Variants in DERPC observed in about 807,000 individuals in gnomAD.
DERPC encodes the protein decreased expression in renal and prostate cancer protein.
Under a neutral mutation model 7.2 loss-of-function variants are expected in DERPC, and 1 was observed. That is an observed-to-expected ratio of 0.14 (90% CI 0.05 to 0.66). The LOEUF is 0.66. Among genes scored for constraint, DERPC ranks in the 30% least tolerant of loss-of-function variants. The pLI, the probability that DERPC is intolerant of heterozygous loss-of-function variation, is 0.84. For synonymous variants in DERPC, 185 were observed against 117.6 expected (o/e 1.57, Z -3.71); for missense variants, 502 against 299.4 (o/e 1.68, Z -4.99).
intron 1 of DERPC, among the ~76,000 whole-genome samples, chr16:69,128,872 T>C (rs1439189650): frequency 6.6e-6 from 1 of 151,914 alleles, no homozygotes; most frequent in Non-Finnish European, 1.5e-5. Context: ...GAAATCAGCT[T>C]GACCAACATG....
chr16:69,127,818 C>T (rs1279521482), intron 1 of DERPC, among the ~76,000 whole-genome samples: 1 of 151,996 alleles, frequency 6.6e-6, no homozygotes, highest in African/African-American at 2.4e-5. Flanking sequence ...CCATCTTGGC[C>T]AGGCTAGTCT....
Position 69,119,906 on chromosome 16 carries a change from C to T in DERPC, c.523G>A (p.Gly175Ser). 1 of 702,364 alleles carries T rather than the reference C, an allele frequency of 1.4e-6. No homozygotes were observed. The allele number at this position is 702,364 out of a possible 1,614,324, so 43.5% of individuals were successfully genotyped here. ...GGTCCAGATCCAGGGCCCATGGGAC[C>T]ACCACCTCTGGGGTCAGGACCTGCT... ...LGAGPDPRGG[G>S]PMGPGSGPNL... The change falls in exon 3 of 3, where the codon GGT becomes AGT. Residue 175 changes from glycine to serine, a missense_variant. Physicochemically the swap from Gly to Ser is moderately conservative, Grantham distance 56. Transcript: ENST00000519520.
At chr16:69,124,216 A>G (rs1961896970) in intron 1 of DERPC, among the ~76,000 whole-genome samples, 2 of 152,098 alleles carry the variant, frequency 1.3e-5, no homozygotes, top group African/African-American at 4.8e-5. Context: ...CCTAAAGACA[A>G]TTGGCTTCAC....
Position 69,118,531 on chromosome 16 carries a change from G to A in DERPC, c.*323C>T, listed in dbSNP as rs754662155. ...ACCTGCAGGCCAATGTATCCCTGAG[G>A]AAAAGTCCACAAGAACAATTCAAGA... On this transcript the variant is annotated 3_prime_UTR_variant, in exon 3 of 3. Transcript: ENST00000519520. The A allele has an allele frequency of 1.1e-6, 1 of 935,416 alleles. No homozygotes were observed. Among genetic ancestry groups the A allele is most frequent in the South Asian group, 1.3e-5 (1 of 76,762 alleles). 57.9% of individuals were successfully genotyped at this position (935,416 alleles called of 1,614,324 possible). A position where few individuals can be genotyped will look rare whatever the true frequency, so the allele number is the denominator to read the frequency against.
intron 1 of DERPC, among the ~76,000 whole-genome samples, chr16:69,127,081 T>TA (rs1469556673): frequency 6.6e-6 from 1 of 151,872 alleles, no homozygotes; most frequent in African/African-American, 2.4e-5. Flanking sequence ...CTACCAAAAA[T>TA]ACAAAAATTA....
rs1198769291 is a variant in DERPC at position 69,120,467 on chromosome 16, G to C, written c.-39C>G. Reference sequence around the variant, plus strand: ...CGCTGGTGATAATGGGCTTGGGGCGGGTTTTGAAAAGGATCTTGTCTTTGA... The same window carrying C: ...CGCTGGTGATAATGGGCTTGGGGCGCGTTTTGAAAAGGATCTTGTCTTTGA... On this transcript the variant is annotated 5_prime_UTR_variant, in exon 3 of 3. Coordinates refer to ENST00000519520, the MANE Select transcript of DERPC (RefSeq NM_001002847.4). The surrounding 1 kb of genome is among the most constrained non-coding windows in gnomAD (Gnocchi z 4.0). 1 of 1,614,126 alleles carries C rather than the reference G, an allele frequency of 6.2e-7. No homozygotes were observed. Among genetic ancestry groups the C allele is most frequent in the Non-Finnish European group, 8.5e-7 (1 of 1,180,010 alleles).
chr16:69,120,215 A>G lies in DERPC; in HGVS notation c.214T>C (p.Phe72Leu). 1.4e-6 allele frequency: 1 copy of G among 704,004 alleles called. No individual in the cohort carries two copies. Among genetic ancestry groups the G allele is most frequent in the Non-Finnish European group, 2.6e-6 (1 of 386,374 alleles). The allele number at this position is 704,004 out of a possible 1,614,324, so 43.6% of individuals were successfully genotyped here. Residue 72 changes from phenylalanine (F) to leucine (L), a missense_variant, in exon 3 of 3, where the codon TTT (phenylalanine) becomes CTT (leucine). Coordinates refer to ENST00000519520, the MANE Select transcript of DERPC (RefSeq NM_001002847.4). The surrounding 1 kb of genome is among the most constrained non-coding windows in gnomAD (Gnocchi z 4.0). ...GCCAATGAGCCTGATGAAGCTGGAA[A>G]AGGAGATGGGTTCCTTGGAAATGGG... The part of the protein sequence containing the change: ...LTPFPRNPSP[F>L]PASSGSLASN...
intron 1 of DERPC, among the ~76,000 whole-genome samples, chr16:69,121,844 T>A (rs1226856073): frequency 6.6e-6 from 1 of 152,186 alleles, no homozygotes; most frequent in Non-Finnish European, 1.5e-5. Flanking sequence ...ATTTTTTTTG[T>A]ATTTTTAGTA....
intron 2 of DERPC, chr16:69,121,126 T>G (rs1026353602): frequency 1.2e-6 from 2 of 1,613,560 alleles, no homozygotes; most frequent in African/African-American, 2.7e-5. Context: ...GATCTCCCCC[T>G]GTAGCTCCAT....
chr16:69,122,300 G>A lies in DERPC; in HGVS notation c.-279-807C>T, dbSNP rs182005641. On this transcript the variant is annotated intron_variant, in intron 1 of 2. Coordinates refer to ENST00000519520, the MANE Select transcript of DERPC (RefSeq NM_001002847.4). ...TACTAAGGAAAAGATGATATGAACC[G>A]AAGACATACATTGCAAAGACCATAC... 1.6e-3 allele frequency among the ~76,000 whole-genome samples: 248 copies of A among 151,898 alleles called. 3 individuals are homozygous for A. The highest frequency in any genetic ancestry group is 2.3e-3 in the East Asian group (12 of 5,172).
chr16:69,121,115 C>T, intron 2 of DERPC: 1 of 1,613,792 alleles, frequency 6.2e-7, no homozygotes, highest in Non-Finnish European at 8.5e-7. Context: ...TAGCGAGCCT[C>T]GATCTCCCCC....
At chr16:69,127,600 A>AC (rs906646574) in intron 1 of DERPC, among the ~76,000 whole-genome samples, 61 of 143,558 alleles carry the variant, frequency 4.2e-4, no homozygotes, top group African/African-American at 1.5e-3. Context: ...TCTCCCGGCA[A>AC]CTTTTTTTTT....
At chr16:69,130,829 G>C (rs540004951) in intron 1 of DERPC, among the ~76,000 whole-genome samples, 1 of 152,280 alleles carries the variant, frequency 6.6e-6, no homozygotes, top group Non-Finnish European at 1.5e-5. Context: ...AAAGCAGCAG[G>C]TCATCAGAAT....
Position 69,118,636 on chromosome 16 carries a change from A to C in DERPC, c.*218T>G. 1.4e-6 allele frequency: 1 copy of C among 701,930 alleles called. No individual in the cohort carries two copies. Among genetic ancestry groups the C allele is most frequent in the Non-Finnish European group, 2.6e-6 (1 of 384,590 alleles). 43.5% of individuals were successfully genotyped at this position (701,930 alleles called of 1,614,324 possible). On this transcript the variant is annotated 3_prime_UTR_variant, in exon 3 of 3. Transcript: ENST00000519520. ...TGGGAGGCTGGAGATCCTTTCTCTC[A>C]AGGGCAGGATTATTCCCACCTGCCA... is the stretch of plus-strand genomic sequence containing the variant.
At chr16:69,129,813 G>C (rs1962365936) in intron 1 of DERPC, among the ~76,000 whole-genome samples, 1 of 152,172 alleles carries the variant, frequency 6.6e-6, no homozygotes, top group Non-Finnish European at 1.5e-5. Flanking sequence ...AAATGGCAAA[G>C]TAACCTATGG....
intron 2 of DERPC, chr16:69,121,206 A>AG (rs1348726579): frequency 1.3e-6 from 2 of 1,580,746 alleles, no homozygotes; most frequent in Non-Finnish European, 1.7e-6. Flanking sequence ...AATATTTTTG[A>AG]GGGGTGAAGG....
At position 69,119,479 on chromosome 16, in the gene DERPC, G is replaced by A. The variant is rs566649288; in HGVS notation, c.950C>T (p.Ser317Leu). The part of the protein sequence containing the change: ...ARVPGPMGPN[S>L]GPSSRGIGLP... ...GCCAATTCCCCGAGAGCTAGGACCC[G>A]AGTTTGGGCCCATGGGGCCAGGTAC... Residue 317 changes from serine (S) to leucine (L), a missense_variant, in exon 3 of 3, where the codon TCG becomes TTG. Transcript: ENST00000519520. The A allele has an allele frequency of 2.0e-5, 14 of 702,890 alleles. No homozygotes were observed. The highest frequency in any genetic ancestry group is 7.4e-5 in the South Asian group (5 of 67,578). 43.5% of individuals were successfully genotyped at this position (702,890 alleles called of 1,614,324 possible).
chr16:69,128,740 T>TTC (rs146333544), intron 1 of DERPC, among the ~76,000 whole-genome samples: 1 of 152,116 alleles, frequency 6.6e-6, no homozygotes, highest in African/African-American at 2.4e-5. Context: ...AGCATTTGGC[T>TTC]TCTCTCTCTC....
At position 69,118,580 on chromosome 16, in the gene DERPC, A is replaced by G; in HGVS notation, c.*274T>C. ...GAAACTAGTAAGAAACAATGGGCAG[A>G]AAGCTGTGGGACGAAAGCACAGCAG... On this transcript the variant is annotated 3_prime_UTR_variant, in exon 3 of 3. Coordinates refer to ENST00000519520, the MANE Select transcript of DERPC (RefSeq NM_001002847.4). The G allele has an allele frequency of 2.7e-6, 2 of 745,118 alleles. No individual in the cohort carries two copies. The highest frequency in any genetic ancestry group is 4.8e-6 in the Non-Finnish European group (2 of 412,408). The allele number at this position is 745,118 out of a possible 1,614,324, so 46.2% of individuals were successfully genotyped here. A position where few individuals can be genotyped will look rare whatever the true frequency, so the allele number is the denominator to read the frequency against.
Sources: gnomAD v4.1 joint callset for allele counts (sites outside exome capture counted in the v4.1 genomes callset) on GRCh38, gnomAD v4.1.1 for gene constraint, Gnocchi (gnomAD v3.1) non-coding constraint, MANE v1.5 for transcripts, NCBI Gene and HGNC (gene_info 2026-07-23, HGNC 2026-07-21) for gene names.